CD44: variants seen among roughly 807,000 people sequenced by gnomAD.
CD44 encodes the protein CD44 antigen.
CD44 carries 49 observed loss-of-function variants against 88.8 expected under a neutral mutation model. That is an observed-to-expected ratio of 0.55 (90% CI 0.44 to 0.70). CD44 has a LOEUF of 0.70. CD44 is among the 30% of genes least tolerant of loss of function. The probability of loss-of-function intolerance (pLI) is 0.00; values close to 1 mark genes in which losing one functional copy is unlikely to be tolerated. For synonymous variants in CD44, 325 were observed against 312.3 expected (o/e 1.04, Z -0.43); for missense variants, 883 against 913.8 (o/e 0.97, Z 0.43).
chr11:35,192,064 G>A (rs1474040851), intron 5 of CD44, among the ~76,000 whole-genome samples: 2 of 152,158 alleles, frequency 1.3e-5, no homozygotes, highest in African/African-American at 4.8e-5. Flanking sequence ...TAGAAATCAG[G>A]GAAAAGGAGT....
intron 14 of CD44, chr11:35,213,797 G>C (rs1357257805): frequency 6.6e-6 from 1 of 152,124 alleles, no homozygotes; most frequent in African/African-American, 2.4e-5. Flanking sequence ...TTCAGCAAAT[G>C]TTGTTTTCAT....
At chr11:35,211,183 C>A in intron 13 of CD44, 63 bp from the exon 14 acceptor site, 2 of 1,268,840 alleles carry the variant, frequency 1.6e-6, no homozygotes, top group Non-Finnish European at 2.3e-6. Context: ...GTTCTGGAGA[C>A]AAGCACATGG....
chr11:35,207,532 G>C (rs1947984180), intron 11 of CD44, among the ~76,000 whole-genome samples: 1 of 152,300 alleles, frequency 6.6e-6, no homozygotes, highest in East Asian at 1.9e-4. Context: ...TTATACTTGG[G>C]TTTTTGGGAA....
At chr11:35,142,586 T>C (rs1194576125) in intron 1 of CD44, among the ~76,000 whole-genome samples, 2 of 152,202 alleles carry the variant, frequency 1.3e-5, no homozygotes, top group African/African-American at 4.8e-5. Flanking sequence ...ACTTTAGCTG[T>C]GTTTTCCCAT....
intron 3 of CD44, among the ~76,000 whole-genome samples, chr11:35,182,934 A>T (rs1272899883): frequency 6.6e-6 from 1 of 152,198 alleles, no homozygotes; most frequent in Non-Finnish European, 1.5e-5. Flanking sequence ...ATTGCCTGGC[A>T]TCGAAGCCAT....
intron 8 of CD44, 138 bp from the exon 9 acceptor site, chr11:35,201,533 C>G: frequency 1.9e-6 from 2 of 1,043,208 alleles, no homozygotes; most frequent in Non-Finnish European, 2.7e-6. Flanking sequence ...TAAAGTCACT[C>G]AAAATTTTTG....
In CD44 at chr11:35,172,087, A is replaced by G. The variant is rs1168748351; in HGVS notation, c.68-4488A>G. 3.9e-5 allele frequency among the ~76,000 whole-genome samples: 6 copies of G among 152,192 alleles called. No homozygotes were observed. The East Asian group carries it at 9.6e-4, about 24-fold the overall frequency. ...ATGTTATCGTTCTTTGACCTTCCAG[A>G]AAGTTAACAAACAAAATGCCTTGAG... On this transcript the variant is annotated intron_variant, in intron 1 of 17. Coordinates refer to ENST00000428726, the MANE Select transcript of CD44 (RefSeq NM_000610.4).
At chr11:35,208,554 C>T (rs1282199198) in intron 12 of CD44, among the ~76,000 whole-genome samples, 3 of 152,188 alleles carry the variant, frequency 2.0e-5, no homozygotes, top group Non-Finnish European at 4.4e-5. Flanking sequence ...CTTTCAATGT[C>T]CATCTTTCCT....
chr11:35,176,911 T>A, intron 2 of CD44, 171 bp downstream of exon 2: 2 of 597,332 alleles, frequency 3.3e-6, no homozygotes, highest in Non-Finnish European at 5.8e-6. Context: ...AACTGGAGTT[T>A]AAAGTCAGCT....
In CD44 at chr11:35,230,149, C is replaced by T. The variant is rs1323315722; in HGVS notation, c.*816C>T. On this transcript the variant is annotated 3_prime_UTR_variant, in exon 18 of 18. Coordinates refer to ENST00000428726, the MANE Select transcript of CD44 (RefSeq NM_000610.4). ...GTCTTCATCTCAGAGACCCTGAGTTCCCACTCAGACCCACTCAGCCAAATC... is the reference window on the plus strand; with the variant it reads ...GTCTTCATCTCAGAGACCCTGAGTTTCCACTCAGACCCACTCAGCCAAATC... The T allele has an allele frequency of 6.6e-6, 1 of 151,916 alleles. No homozygotes were observed. Among genetic ancestry groups the T allele is most frequent in the Admixed American group, 6.6e-5 (1 of 15,248 alleles). The allele number at this position is 151,916 out of a possible 1,614,324, so 9.4% of individuals were successfully genotyped here. A position where few individuals can be genotyped will look rare whatever the true frequency, so the allele number is the denominator to read the frequency against.
intron 7 of CD44, chr11:35,200,394 TG>T (rs1947199085): frequency 6.6e-6 from 1 of 152,456 alleles, no homozygotes; most frequent in African/African-American, 2.4e-5. Context: ...TGTGCTGCTA[TG>T]ATGGTGGCTG....
chr11:35,148,651 C>T (rs1232445290), intron 1 of CD44, among the ~76,000 whole-genome samples: 2 of 152,180 alleles, frequency 1.3e-5, no homozygotes, highest in East Asian at 3.8e-4. Context: ...TTTCTTTTGC[C>T]AGTGAGCATA....
intron 2 of CD44, among the ~76,000 whole-genome samples, chr11:35,177,323 A>G (rs1040139738): frequency 6.6e-6 from 1 of 152,234 alleles, no homozygotes; most frequent in Non-Finnish European, 1.5e-5. Context: ...CTAGAGCTGC[A>G]TAGAGCCTTC....
chr11:35,159,490 G>T (rs1424386208), intron 1 of CD44, among the ~76,000 whole-genome samples: 1 of 152,158 alleles, frequency 6.6e-6, no homozygotes, highest in Non-Finnish European at 1.5e-5. Flanking sequence ...TCATAAATTA[G>T]AAACTATGAG....
Position 35,139,303 on chromosome 11 carries a change from C to T in CD44, c.-1C>T, listed in dbSNP as rs1429171405. On this transcript the variant is annotated 5_prime_UTR_variant, in exon 1 of 18. Transcript: ENST00000428726. Reference sequence around the variant, plus strand: ...CGCGCCCTCCGTTCGCTCCGGACACCATGGACAAGTTTTGGTGGCACGCAG... The same window carrying T: ...CGCGCCCTCCGTTCGCTCCGGACACTATGGACAAGTTTTGGTGGCACGCAG... The T allele has an allele frequency of 1.3e-6, 2 of 1,559,874 alleles. No homozygotes were observed. Among genetic ancestry groups the T allele is most frequent in the South Asian group, 1.2e-5 (1 of 84,590 alleles).
intron 1 of CD44, among the ~76,000 whole-genome samples, chr11:35,150,997 A>G (rs540161918): frequency 2.7e-4 from 41 of 152,374 alleles, no homozygotes; most frequent in Non-Finnish European, 5.0e-4. Flanking sequence ...AAACAGGTGA[A>G]AGAATTATGC....
chr11:35,140,699 A>C (rs934090224), intron 1 of CD44, among the ~76,000 whole-genome samples: 1 of 152,092 alleles, frequency 6.6e-6, no homozygotes, highest in East Asian at 1.9e-4. Flanking sequence ...GATTTATACT[A>C]CTGAAGCTGA....
intron 1 of CD44, among the ~76,000 whole-genome samples, chr11:35,151,620 G>A (rs1590911704): frequency 6.6e-6 from 1 of 152,260 alleles, no homozygotes; most frequent in East Asian, 1.9e-4. Context: ...GTCTGCTATG[G>A]GCACAATATG....
chr11:35,151,707 G>A (rs1860359003), intron 1 of CD44, among the ~76,000 whole-genome samples: 1 of 152,230 alleles, frequency 6.6e-6, no homozygotes, highest in Non-Finnish European at 1.5e-5. Flanking sequence ...GTTTCTGAGA[G>A]TTGTGTGTAT....
Sources: gnomAD v4.1 joint callset for allele counts (sites outside exome capture counted in the v4.1 genomes callset) on GRCh38, gnomAD v4.1.1 for gene constraint, MANE v1.5 for transcripts, NCBI Gene and HGNC (gene_info 2026-07-23, HGNC 2026-07-21) for gene names.